Variants in MXRA5 observed in about 807,000 individuals in gnomAD.
MXRA5 encodes the protein matrix remodeling associated 5, also known as matrix-remodeling-associated protein 5.
Under a neutral mutation model 112.5 loss-of-function variants are expected in MXRA5, and 41 were observed. That is an observed-to-expected ratio of 0.36 (90% CI 0.28 to 0.47). MXRA5 has a LOEUF of 0.47. Among genes scored for constraint, MXRA5 ranks in the 20% least tolerant of loss-of-function variants. MXRA5 has a pLI of 0.99. For synonymous variants in MXRA5, 862 were observed against 900.8 expected, an observed-to-expected ratio of 0.96 and a Z score of 0.77; for missense variants, 2,150 against 2,251.0, an observed-to-expected ratio of 0.96 and a Z score of 0.91.
chrX:3,318,735 C>T (rs1180457992), intron 5 of MXRA5, among the ~76,000 whole-genome samples: 1 of 111,933 alleles, frequency 8.9e-6, no homozygotes, highest in African/African-American at 3.3e-5. Context: ...TCTGCACTCC[C>T]ATGTTTACCA....
Position 3,320,349 on chromosome X carries a change from T to C in MXRA5, c.5336A>G (p.His1779Arg). The change falls in exon 5 of 7, where the codon CAT becomes CGT. Residue 1779 changes from histidine (H) to arginine (R), a missense_variant. This residue lies in a region of MXRA5 where 1,485 missense variants were observed against 1,471.6 expected (regional missense o/e 1.01). Coordinates refer to ENST00000217939, the MANE Select transcript of MXRA5 (RefSeq NM_015419.4). ...YNRIHSHSTF[H>R]LDFGPPAPPL... ...AGGTGCCGGAGGGCCAAAGTCCAGA[T>C]GGAAGGTGCTATGGGAATGTATCCT... The C allele has an allele frequency of 3.3e-6, 4 of 1,211,778 alleles. No individual in the cohort carries two copies. Among genetic ancestry groups the C allele is most frequent in the Non-Finnish European group, 4.5e-6 (4 of 895,420 alleles).
chrX:3,339,618 G>A (rs1367060948), intron 2 of MXRA5, among the ~76,000 whole-genome samples: 1 of 111,515 alleles, frequency 9.0e-6, no homozygotes, highest in Admixed American at 9.6e-5. Flanking sequence ...CAGATGCCAA[G>A]GGTGCCAGAT....
chrX:3,332,365 C>T (rs1042574352), intron 2 of MXRA5, among the ~76,000 whole-genome samples: 7 of 111,184 alleles, frequency 6.3e-5, no homozygotes, highest in African/African-American at 2.0e-4. Flanking sequence ...CTGCCTCAGC[C>T]TCCCGAGTAG....
chrX:3,338,856 T>C (rs1921845011), intron 2 of MXRA5, among the ~76,000 whole-genome samples: 1 of 110,024 alleles, frequency 9.1e-6, no homozygotes, highest in Non-Finnish European at 1.9e-5. Flanking sequence ...GGTAGGTAGA[T>C]AGATATAGAC....
intron 5 of MXRA5, among the ~76,000 whole-genome samples, chrX:3,318,833 CAATG>C (rs1921220087): frequency 9.6e-6 from 1 of 104,535 alleles, no homozygotes; most frequent in African/African-American, 3.5e-5. Context: ...TATATATGCA[CAATG>C]AAATGCCATT....
intron 5 of MXRA5, among the ~76,000 whole-genome samples, chrX:3,319,467 C>T (rs1921237611): frequency 8.9e-6 from 1 of 112,817 alleles, no homozygotes. Context: ...CTCCTGAACT[C>T]CTCGGGCTAG....
Position 3,324,601 on chromosome X carries a change from C to A in MXRA5, c.1084G>T (p.Ala362Ser). 1 of 1,211,142 alleles carries A rather than the reference C, an allele frequency of 8.3e-7. No individual in the cohort carries two copies. Among genetic ancestry groups the A allele is most frequent in the South Asian group, 1.8e-5 (1 of 56,835 alleles). ...PPDIDINATV[A>S]LDFECPMTRE... ...GTCATTGGACACTCAAAGTCCAAGGCAACTGTTGCATTTATGTCAATATCT... is the reference window on the plus strand; with the variant it reads ...GTCATTGGACACTCAAAGTCCAAGGAAACTGTTGCATTTATGTCAATATCT... The change falls in exon 5 of 7, where the codon GCC becomes TCC. Residue 362 changes from alanine (A) to serine (S), a missense_variant. By Grantham distance (99) the Ala-to-Ser change is moderately conservative. Coordinates refer to ENST00000217939, the MANE Select transcript of MXRA5 (RefSeq NM_015419.4).
In MXRA5 at chrX:3,321,108, T is replaced by C. The variant is rs770507821; in HGVS notation, c.4577A>G (p.Lys1526Arg). 6 of 1,211,659 alleles carry C rather than the reference T, an allele frequency of 5.0e-6. No individual in the cohort carries two copies. The highest frequency in any genetic ancestry group is 6.7e-6 in the Non-Finnish European group (6 of 895,309). ...CACATAATTCAAGAAAACATTTTCCTTGGAATCTCTAGATGCTTGAGATAT... is the reference window on the plus strand; with the variant it reads ...CACATAATTCAAGAAAACATTTTCCCTGGAATCTCTAGATGCTTGAGATAT... Reference protein sequence around the residue: ...PRISQASRDSKENVFLNYVGN... With the variant: ...PRISQASRDSRENVFLNYVGN... Residue 1526 changes from lysine (K) to arginine (R), a missense_variant, in exon 5 of 7, where the codon AAG becomes AGG. Around this residue, in one of 6 missense-constraint regions of MXRA5, gnomAD observed 1,485 missense variants for 1,471.6 expected, o/e 1.01. Transcript: ENST00000217939.
intron 2 of MXRA5, among the ~76,000 whole-genome samples, chrX:3,343,267 T>C (rs13440889): frequency 0.12 from 13,363 of 112,007 alleles, 841 homozygotes; most frequent in East Asian, 0.32. Context: ...TTTATTATTC[T>C]TAAATCGTTG....
intron 4 of MXRA5, among the ~76,000 whole-genome samples, chrX:3,326,842 G>C (rs1414525746): frequency 2.7e-5 from 3 of 110,803 alleles, no homozygotes; most frequent in African/African-American, 9.9e-5. Context: ...GCATATGTGT[G>C]GTTCCAATTA....
chrX:3,313,501 C>A (rs931004035), intron 6 of MXRA5, among the ~76,000 whole-genome samples: 1 of 111,866 alleles, frequency 8.9e-6, no homozygotes, highest in African/African-American at 3.3e-5. Context: ...CTCAAGCAAT[C>A]CACCCACCTC....
Position 3,310,017 on chromosome X carries a change from A to C in MXRA5, c.8186T>G (p.Ile2729Ser). Residue 2729 changes from isoleucine to serine, a missense_variant, in exon 7 of 7, where the codon ATC becomes AGC. By Grantham distance (142) the Ile-to-Ser change is moderately radical. This residue lies in a region of MXRA5 where 178 missense variants were observed against 198.2 expected (regional missense o/e 0.90). Transcript: ENST00000217939. ...PSVTSIPVIV[I>S]AYPPRITSEP... ...GCTGGTGATCCGGGGAGGATAGGCG[A>C]TCACAATCACGGGGATGCTGGTGAC... The C allele has an allele frequency of 8.3e-7, 1 of 1,211,185 alleles. No individual in the cohort carries two copies. Among genetic ancestry groups the C allele is most frequent in the Non-Finnish European group, 1.1e-6 (1 of 895,357 alleles).
At position 3,317,894 on chromosome X, in the gene MXRA5, G is replaced by A. The variant is rs143071935; in HGVS notation, c.5787C>T (p.Thr1929=). ...TGTCCAGGCCGTGCAGGTTGCTGGC[G>A]GTGCACATATACTGGCCTCGATCTT... The part of the protein sequence containing the change: ...QVQDRGQYMC[T]ASNLHGLDRM... Residue 1929 remains threonine (T), a synonymous_variant, in exon 6 of 7, where the codon ACC becomes ACT. Transcript: ENST00000217939. 6.6e-6 allele frequency: 8 copies of A among 1,211,397 alleles called. No individual in the cohort carries two copies. The highest frequency in any genetic ancestry group is 8.9e-6 in the Non-Finnish European group (8 of 895,378).
chrX:3,343,624 T>A, intron 2 of MXRA5, 22 bp downstream of exon 2: 1 of 1,198,126 alleles, frequency 8.3e-7, no homozygotes, highest in Non-Finnish European at 1.1e-6. Flanking sequence ...GTGGGAAGGT[T>A]CGGGAAGAAA....
intron 4 of MXRA5, among the ~76,000 whole-genome samples, chrX:3,326,249 G>A (rs1408647989): frequency 5.4e-5 from 1 of 18,364 alleles, no homozygotes; most frequent in Non-Finnish European, 1.4e-4. Context: ...CAATATGTAT[G>A]TATCTGGGTA....
At position 3,322,622 on chromosome X, in the gene MXRA5, A is replaced by G; in HGVS notation, c.3063T>C (p.Ser1021=). The change falls in exon 5 of 7, where the codon TCT becomes TCC. Residue 1021 remains serine, a synonymous_variant. Transcript: ENST00000217939. ...DSSTSQLFED[S]TIGEPGVPGQ... ...CTGGGACACCTGGTTCCCCTATAGT[A>G]GAATCCTCAAATAACTGTGATGTAC... 1 of 1,211,713 alleles carries G rather than the reference A, an allele frequency of 8.3e-7. No homozygotes were observed. The highest frequency in any genetic ancestry group is 1.1e-6 in the Non-Finnish European group (1 of 895,415).
Position 3,310,889 on chromosome X carries a change from C to T in MXRA5, c.7314G>A (p.Gln2438=). 2 of 1,211,360 alleles carry T rather than the reference C, an allele frequency of 1.7e-6. No homozygotes were observed. The highest frequency in any genetic ancestry group is 2.2e-6 in the Non-Finnish European group (2 of 895,412). The change falls in exon 7 of 7, where the codon CAG becomes CAA. Residue 2438 remains glutamine (Q), a synonymous_variant. Transcript: ENST00000217939. The part of the protein sequence containing the change: ...RKTVWIHVNV[Q]PPKINGNPNP... ...TGGGGTTACCGTTGATCTTGGGTGG[C>T]TGGACGTTGACGTGAATCCACACCG...
At chrX:3,343,590 C>A (rs1922037063) in intron 2 of MXRA5, 56 bp downstream of exon 2, 4 of 1,100,215 alleles carry the variant, frequency 3.6e-6, no homozygotes, top group South Asian at 2.0e-5. Flanking sequence ...CACGCAAAAC[C>A]AGATCAAGAC....
Position 3,323,583 on chromosome X carries a change from C to A in MXRA5, c.2102G>T (p.Gly701Val), listed in dbSNP as rs774336219. The change falls in exon 5 of 7, where the codon GGC becomes GTC. Residue 701 changes from glycine to valine, a missense_variant. Physicochemically the swap from Gly to Val is moderately radical, Grantham distance 109. Around this residue, in one of 6 missense-constraint regions of MXRA5, gnomAD observed 1,485 missense variants for 1,471.6 expected, o/e 1.01. Coordinates refer to ENST00000217939, the MANE Select transcript of MXRA5 (RefSeq NM_015419.4). ...VREDIVEDEGGSGMGDEENTS... is the reference protein window; with the variant it reads ...VREDIVEDEGVSGMGDEENTS... ...GTTCTCTTCATCTCCCATGCCCGAGCCCCCTTCATCCTCCACGATGTCTTC... is the reference window on the plus strand; with the variant it reads ...GTTCTCTTCATCTCCCATGCCCGAGACCCCTTCATCCTCCACGATGTCTTC... 1 of 1,210,149 alleles carries A rather than the reference C, an allele frequency of 8.3e-7. No homozygotes were observed. The highest frequency in any genetic ancestry group is 3.0e-5 in the East Asian group (1 of 33,779).
Sources: allele counts gnomAD v4.1 joint callset (sites outside exome capture counted in the v4.1 genomes callset), GRCh38; gene constraint gnomAD v4.1.1; regional missense constraint gnomAD v4.1.1; transcripts MANE v1.5; gene names NCBI Gene and HGNC (gene_info 2026-07-23, HGNC 2026-07-21).